ZNF226: variants seen among roughly 807,000 people sequenced by gnomAD.
The protein encoded by ZNF226 is Kruppel-associated box protein.
Under a neutral mutation model 11.4 loss-of-function variants are expected in ZNF226, and 6 were observed. The observed-to-expected ratio is 0.53, with a 90% CI of 0.29 to 1.04. The LOEUF is 1.04. ZNF226 is among the 50% of genes least tolerant of loss of function. The pLI, the probability that ZNF226 is intolerant of heterozygous loss-of-function variation, is 0.08. For missense variants in ZNF226, 1,058 were observed against 956.5 expected (o/e 1.11, Z -1.40); for synonymous variants, 350 against 322.8 (o/e 1.08, Z -0.90).
the ZNF226 span, among the ~76,000 whole-genome samples, chr19:44,196,408 C>T: frequency 6.6e-6 from 1 of 152,174 alleles, no homozygotes. Flanking sequence ...TAAATCCAAT[C>T]TGGCTACAAC....
the ZNF226 span, among the ~76,000 whole-genome samples, chr19:44,189,558 T>G: frequency 6.6e-6 from 1 of 152,170 alleles, no homozygotes. Flanking sequence ...GACAGTTGTA[T>G]TAGGAATATT....
Position 44,176,058 on chromosome 19 carries a change from A to T in ZNF226, c.796A>T (p.Ser266Cys). 1 of 1,614,184 alleles carries T rather than the reference A, an allele frequency of 6.2e-7. No individual in the cohort carries two copies. ...ECKKPFSDLSSFDLHQQLQSG... is the reference protein window; with the variant it reads ...ECKKPFSDLSCFDLHQQLQSG... Reference sequence around the variant, plus strand: ...TAAAAAACCCTTCAGTGATCTCTCCAGCTTTGATCTTCATCAGCAGTTACA... The same window carrying T: ...TAAAAAACCCTTCAGTGATCTCTCCTGCTTTGATCTTCATCAGCAGTTACA... Residue 266 changes from serine to cysteine, a missense_variant, in exon 6 of 6, where the codon AGC becomes TGC. Ser to Cys is a moderately radical substitution (Grantham distance 112, BLOSUM62 -1). Coordinates refer to ENST00000337433, the MANE Select transcript of ZNF226 (RefSeq NM_001032373.2).
At chr19:44,193,287 A>C in the ZNF226 span, among the ~76,000 whole-genome samples, 1 of 152,136 alleles carries the variant, frequency 6.6e-6, no homozygotes, top group Non-Finnish European at 1.5e-5. Context: ...ATACAGAAAC[A>C]CAAAAAGATC....
chr19:44,195,948 C>T, the ZNF226 span, among the ~76,000 whole-genome samples: 43 of 152,270 alleles, frequency 2.8e-4, no homozygotes, highest in Middle Eastern at 3.4e-3. Context: ...ACAGCTGGCA[C>T]ACTACAGCCT....
chr19:44,194,421 G>A, the ZNF226 span, among the ~76,000 whole-genome samples: 4 of 152,048 alleles, frequency 2.6e-5, no homozygotes, highest in Non-Finnish European at 4.4e-5. Flanking sequence ...GGAGACACGC[G>A]TGCATCACCA....
At chr19:44,171,475 G>C (rs773391364) in intron 3 of ZNF226, among the ~76,000 whole-genome samples, 1 of 152,140 alleles carries the variant, frequency 6.6e-6, no homozygotes, top group Non-Finnish European at 1.5e-5. Flanking sequence ...CCTAGTGGTA[G>C]GAAAGGATTT....
Position 44,170,039 on chromosome 19 carries a change from G to A in ZNF226, c.-42G>A. The A allele has an allele frequency of 6.3e-7, 1 of 1,583,288 alleles. No individual in the cohort carries two copies. Among genetic ancestry groups the A allele is most frequent in the Non-Finnish European group, 8.6e-7 (1 of 1,163,896 alleles). ...TATTTCTCTCTTCTTTCCTAGTTCAGCTTCTTAGGACTCTGCACTTCCCCA... is the reference window on the plus strand; with the variant it reads ...TATTTCTCTCTTCTTTCCTAGTTCAACTTCTTAGGACTCTGCACTTCCCCA... On this transcript the variant is annotated 5_prime_UTR_variant, in exon 3 of 6. Transcript: ENST00000337433.
chr19:44,177,130 T>C lies in ZNF226; in HGVS notation c.1868T>C (p.Val623Ala). The change falls in exon 6 of 6, where the codon GTC becomes GCC. Residue 623 changes from valine to alanine, a missense_variant. By Grantham distance (64) the Val-to-Ala change is moderately conservative. Transcript: ENST00000337433. ...TATAATTGTGAGGAGTGTGGGAAGG[T>C]CTTCAGGCAGGCCTCAAATCTTTTG... Reference protein sequence around the residue: ...KPYNCEECGKVFRQASNLLAH... With the variant: ...KPYNCEECGKAFRQASNLLAH... The C allele has an allele frequency of 6.2e-7, 1 of 1,609,812 alleles. No homozygotes were observed.
chr19:44,199,479 T>G, the ZNF226 span, among the ~76,000 whole-genome samples: 1 of 152,180 alleles, frequency 6.6e-6, no homozygotes, highest in South Asian at 2.1e-4. Context: ...AATAAAATTC[T>G]TACACAACTA....
At chr19:44,166,203 A>G (rs1054796463) in intron 2 of ZNF226, among the ~76,000 whole-genome samples, 8 of 152,160 alleles carry the variant, frequency 5.3e-5, no homozygotes, top group Non-Finnish European at 8.8e-5. Flanking sequence ...CTATTCTATG[A>G]CTTTTAAAAA....
chr19:44,197,728 T>G, the ZNF226 span, among the ~76,000 whole-genome samples: 1 of 152,254 alleles, frequency 6.6e-6, no homozygotes, highest in African/African-American at 2.4e-5. Context: ...GTCAGTCTTA[T>G]TCTTGTATTT....
chr19:44,170,212 T>C, intron 3 of ZNF226, 117 bp downstream of exon 3: 3 of 930,416 alleles, frequency 3.2e-6, no homozygotes, highest in South Asian at 1.9e-5. Context: ...TTGAGTGTGC[T>C]AGGTGCTTAT....
At chr19:44,182,342 C>T (rs1015293383), downstream of ZNF226, among the ~76,000 whole-genome samples, 7 of 146,790 alleles carry the variant, frequency 4.8e-5, no homozygotes, top group South Asian at 2.1e-4. Context: ...ACGTGATGCG[C>T]GCGCGCGCGT....
rs1238717415 is a variant in ZNF226 at position 44,177,100 on chromosome 19, A to G, written c.1838A>G (p.Lys613Arg). The G allele has an allele frequency of 6.2e-7, 1 of 1,614,152 alleles. No individual in the cohort carries two copies. The highest frequency in any genetic ancestry group is 2.2e-5 in the East Asian group (1 of 44,870). Reference protein sequence around the residue: ...KIHCRIHTGEKPYNCEECGKV... With the variant: ...KIHCRIHTGERPYNCEECGKV... ...CACTGTAGGATCCACACAGGAGAGAAACCATATAATTGTGAGGAGTGTGGG... is the reference window on the plus strand; with the variant it reads ...CACTGTAGGATCCACACAGGAGAGAGACCATATAATTGTGAGGAGTGTGGG... Residue 613 changes from lysine to arginine, a missense_variant, in exon 6 of 6, where the codon AAA becomes AGA. Lys to Arg is a conservative substitution (Grantham distance 26, BLOSUM62 2). Transcript: ENST00000337433.
the ZNF226 span, among the ~76,000 whole-genome samples, chr19:44,189,003 T>C: frequency 6.6e-6 from 1 of 152,250 alleles, no homozygotes; most frequent in Non-Finnish European, 1.5e-5. Flanking sequence ...GCTGGGTAGA[T>C]GTCTTCATGG....
intron 2 of ZNF226, among the ~76,000 whole-genome samples, chr19:44,166,043 G>A (rs1212940742): frequency 6.6e-6 from 1 of 152,200 alleles, no homozygotes; most frequent in East Asian, 1.9e-4. Context: ...CACCTAGCTA[G>A]TAGGAGGCAG....
At chr19:44,172,823 A>G (rs1160628119) in intron 4 of ZNF226, 37 bp from the exon 5 acceptor site, 5 of 1,525,696 alleles carry the variant, frequency 3.3e-6, no homozygotes, top group Non-Finnish European at 4.5e-6. Context: ...TAACTCTAAT[A>G]TGTTCATTTT....
intron 3 of ZNF226, 94 bp from the exon 4 acceptor site, chr19:44,171,994 T>C: frequency 1.3e-6 from 2 of 1,528,950 alleles, no homozygotes; most frequent in Non-Finnish European, 1.8e-6. Flanking sequence ...TACAAACGGC[T>C]GGGCATCCAG....
At position 44,176,613 on chromosome 19, in the gene ZNF226, G is replaced by C. The variant is rs1970704797; in HGVS notation, c.1351G>C (p.Glu451Gln). 16 of 1,613,554 alleles carry C rather than the reference G, an allele frequency of 9.9e-6. No homozygotes were observed. The highest frequency in any genetic ancestry group is 1.4e-5 in the Non-Finnish European group (16 of 1,179,928). ...HTGEKPYKCE[E>Q]CGKGFSRPSS... ...AGGAGAAAAACCCTATAAATGTGAG[G>C]AATGTGGTAAAGGCTTTAGTCGGCC... The change falls in exon 6 of 6, where the codon GAA becomes CAA. Residue 451 changes from glutamate to glutamine, a missense_variant. Coordinates refer to ENST00000337433, the MANE Select transcript of ZNF226 (RefSeq NM_001032373.2).
Sources: allele counts gnomAD v4.1 joint callset (sites outside exome capture counted in the v4.1 genomes callset), GRCh38; gene constraint gnomAD v4.1.1; transcripts MANE v1.5; gene names NCBI Gene and HGNC (gene_info 2026-07-23, HGNC 2026-07-21).